PLEKHG3: variants seen among roughly 807,000 people sequenced by gnomAD.
PLEKHG3 encodes pleckstrin homology domain-containing family G member 3.
A neutral mutation model predicts 94.9 loss-of-function variants in PLEKHG3; 62 were observed. The observed-to-expected ratio is 0.65, with a 90% confidence interval of 0.53 to 0.81. The LOEUF is 0.81. PLEKHG3 is among the 30% of genes least tolerant of loss of function. The pLI is 0.00. For synonymous variants in PLEKHG3, 614 were observed against 654.0 expected (o/e 0.94, Z 0.93); for missense variants, 1,461 against 1,619.3 (o/e 0.90, Z 1.68).
chr14:64,727,991 C>T lies in PLEKHG3; in HGVS notation c.351+9C>T, dbSNP rs182360044. The T allele has an allele frequency of 4.3e-4, 653 of 1,516,310 alleles. 2 individuals carry two copies. The African/African-American group carries it at 7.8e-3, about 18-fold the overall frequency. 93.9% of individuals were successfully genotyped at this position (1,516,310 alleles called of 1,614,324 possible). A position where few individuals can be genotyped will look rare whatever the true frequency, so the allele number is the denominator to read the frequency against. ...TGCGCAGCATCGTGGAGGTGCGTGT[C>T]GGAGGCCTTGCGGCACAGTATTCTA... On this transcript the variant is annotated intron_variant, in intron 2 of 16. Coordinates refer to ENST00000247226, the MANE Select transcript of PLEKHG3 (RefSeq NM_001308147.2). This position sits in a 1 kb window ranked among gnomAD's most constrained non-coding sequence, Gnocchi z 6.0.
rs918193764 is a variant in PLEKHG3 at position 64,744,605 on chromosome 14, G to T, written c.*902G>T. The T allele has an allele frequency of 4.6e-5, 7 of 152,126 alleles. No homozygotes were observed. The highest frequency in any genetic ancestry group is 1.7e-4 in the African/African-American group (7 of 41,374). 9.4% of individuals were successfully genotyped at this position (152,126 alleles called of 1,614,324 possible). A position where few individuals can be genotyped will look rare whatever the true frequency, so the allele number is the denominator to read the frequency against. On this transcript the variant is annotated 3_prime_UTR_variant, in exon 17 of 17. Transcript: ENST00000247226. ...CCTGCTGTCCTGTCTAGGGTAGGGGGTCCCGCATGCCAGCCTTTTGCTCTT... is the reference window on the plus strand; with the variant it reads ...CCTGCTGTCCTGTCTAGGGTAGGGGTTCCCGCATGCCAGCCTTTTGCTCTT...
chr14:64,708,352 C>T (rs1250042761), intron 1 of PLEKHG3, among the ~76,000 whole-genome samples: 1 of 152,124 alleles, frequency 6.6e-6, no homozygotes, highest in Non-Finnish European at 1.5e-5. Flanking sequence ...GCTGTCCACC[C>T]CTCCCCCAGC....
rs1403809350 is a variant in PLEKHG3 at position 64,743,013 on chromosome 14, C to T, written c.2970C>T (p.Asp990=). The change falls in exon 17 of 17, where the codon GAC becomes GAT. Residue 990 remains aspartate, a synonymous_variant. Coordinates refer to ENST00000247226, the MANE Select transcript of PLEKHG3 (RefSeq NM_001308147.2). The surrounding 1 kb of genome is among the most constrained non-coding windows in gnomAD (Gnocchi z 7.2). ...GGAAGCCGGTGCTGTCTCTATTTGA[C>T]TATGAGCAGCTGATGGCCCAGGAGC... The part of the protein sequence containing the change: ...GKRKPVLSLF[D]YEQLMAQEHS... 1.2e-6 allele frequency: 2 copies of T among 1,613,010 alleles called. No homozygotes were observed. Among genetic ancestry groups the T allele is most frequent in the Non-Finnish European group, 1.7e-6 (2 of 1,179,686 alleles).
chr14:64,727,524 C>G lies in PLEKHG3; in HGVS notation c.-39-69C>G. ...CCACCCCACCTGCCCCCACCCCTGG[C>G]AACCGTCCCTCTGTTCTGTTTCTGT... On this transcript the variant is annotated intron_variant, in intron 1 of 16. Coordinates refer to ENST00000247226, the MANE Select transcript of PLEKHG3 (RefSeq NM_001308147.2). This position sits in a 1 kb window ranked among gnomAD's most constrained non-coding sequence, Gnocchi z 6.0. The G allele has an allele frequency of 1.1e-5, 5 of 439,648 alleles. No individual in the cohort carries two copies. The highest frequency in any genetic ancestry group is 2.2e-5 in the Non-Finnish European group (5 of 231,926). 27.2% of individuals were successfully genotyped at this position (439,648 alleles called of 1,614,324 possible).
intron 14 of PLEKHG3, 57 bp downstream of exon 14, chr14:64,737,432 T>C: frequency 7.8e-7 from 1 of 1,282,942 alleles, no homozygotes; most frequent in Non-Finnish European, 1.1e-6. Context: ...ACTGCCCAGG[T>C]CAGCCCCCGG....
chr14:64,714,193 A>G (rs1340261134), intron 1 of PLEKHG3, among the ~76,000 whole-genome samples: 1 of 152,204 alleles, frequency 6.6e-6, no homozygotes, highest in Non-Finnish European at 1.5e-5. Context: ...CAGTGGTTAC[A>G]GAGGATGGGA....
intron 1 of PLEKHG3, among the ~76,000 whole-genome samples, chr14:64,714,289 G>A (rs759816645): frequency 1.3e-5 from 2 of 152,188 alleles, no homozygotes; most frequent in African/African-American, 2.4e-5. Context: ...GATGGCTATG[G>A]TGGGGTAGAG....
rs1369831104 is a variant in PLEKHG3, at chr14:64,716,030, T to C, written c.-40+11326T>C. On this transcript the variant is annotated intron_variant, in intron 1 of 16. Transcript: ENST00000247226. This position sits in a 1 kb window ranked among gnomAD's most constrained non-coding sequence, Gnocchi z 5.0. ...GCTAGGTTGCCGGTGCTGGGGACAATGCGGCTGCCCGGCCCCTCGCCACCC... is the reference window on the plus strand; with the variant it reads ...GCTAGGTTGCCGGTGCTGGGGACAACGCGGCTGCCCGGCCCCTCGCCACCC... 2.2e-6 allele frequency: 1 copy of C among 456,050 alleles called. No individual in the cohort carries two copies. The highest frequency in any genetic ancestry group is 4.4e-6 in the Non-Finnish European group (1 of 226,756). The allele number at this position is 456,050 out of a possible 1,614,324, so 28.3% of individuals were successfully genotyped here. A position where few individuals can be genotyped will look rare whatever the true frequency, so the allele number is the denominator to read the frequency against.
chr14:64,749,715 T>A lies in PLEKHG3; in HGVS notation c.*6012T>A. 2 of 1,613,118 alleles carry A rather than the reference T, an allele frequency of 1.2e-6. No homozygotes were observed. Reference sequence around the variant, plus strand: ...ACTCAGCCTAGGAGGACAAAGGGTTTCCTGTCATGGAGACACCTCTGGAGG... The same window carrying A: ...ACTCAGCCTAGGAGGACAAAGGGTTACCTGTCATGGAGACACCTCTGGAGG... On this transcript the variant is annotated 3_prime_UTR_variant, in exon 17 of 17. Coordinates refer to ENST00000247226, the MANE Select transcript of PLEKHG3 (RefSeq NM_001308147.2). This position sits in a 1 kb window ranked among gnomAD's most constrained non-coding sequence, Gnocchi z 4.7.
chr14:64,729,327 C>T (rs888923439), intron 3 of PLEKHG3, among the ~76,000 whole-genome samples: 3 of 152,296 alleles, frequency 2.0e-5, no homozygotes, highest in East Asian at 1.9e-4. Flanking sequence ...CATCCTGAGC[C>T]GGTGCCCCCT....
rs1476775967 is a variant in PLEKHG3, at chr14:64,732,610, T to C, written c.1246+150T>C. ...AAGGGCTGGGGGGTGAACTACATGA[T>C]TAAGGATGCTCTCCTGCTGAGCGGT... On this transcript the variant is annotated intron_variant, in intron 11 of 16. Transcript: ENST00000247226. This position sits in a 1 kb window ranked among gnomAD's most constrained non-coding sequence, Gnocchi z 4.9. 8.7e-6 allele frequency: 7 copies of C among 801,674 alleles called. No homozygotes were observed. Among genetic ancestry groups the C allele is most frequent in the Admixed American group, 3.9e-5 (2 of 51,828 alleles). 49.7% of individuals were successfully genotyped at this position (801,674 alleles called of 1,614,324 possible).
In PLEKHG3 at chr14:64,750,084, C is replaced by T. The variant is rs139355550; in HGVS notation, c.*6381C>T. 32 of 1,614,048 alleles carry T rather than the reference C, an allele frequency of 2.0e-5. No homozygotes were observed. The African/African-American group carries it at 2.9e-4, about 15-fold the overall frequency. ...TCCCCATGGTAGGGCATCCCCAGGG[C>T]CAGGTTCTTGGCATCCTTGTAGAAG... On this transcript the variant is annotated 3_prime_UTR_variant, in exon 17 of 17. Coordinates refer to ENST00000247226, the MANE Select transcript of PLEKHG3 (RefSeq NM_001308147.2).
rs752246457 is a variant in PLEKHG3, at chr14:64,732,382, G to A, written c.1213-45G>A. 1.5e-5 allele frequency: 23 copies of A among 1,579,460 alleles called. No individual in the cohort carries two copies. The highest frequency in any genetic ancestry group is 3.3e-5 in the Admixed American group (2 of 59,942). The stretch of plus-strand genomic sequence containing the variant: ...GTGGGTCCTATGGGCAGGGAAGGCC[G>A]GCACATGGTAAGGTAATAACCAGGT... On this transcript the variant is annotated intron_variant, in intron 10 of 16. Coordinates refer to ENST00000247226, the MANE Select transcript of PLEKHG3 (RefSeq NM_001308147.2). This position sits in a 1 kb window ranked among gnomAD's most constrained non-coding sequence, Gnocchi z 4.9.
chr14:64,729,991 G>A (rs2081428655), intron 3 of PLEKHG3, among the ~76,000 whole-genome samples: 1 of 152,190 alleles, frequency 6.6e-6, no homozygotes, highest in South Asian at 2.1e-4. Flanking sequence ...GGTGGGTATG[G>A]GGGTCCCCTC....
Position 64,723,116 on chromosome 14 carries a change from A to G in PLEKHG3, c.-39-4477A>G, listed in dbSNP as rs1447947231. Among the ~76,000 whole-genome samples, 1 of 152,148 alleles carries G rather than the reference A, an allele frequency of 6.6e-6. No individual in the cohort carries two copies. ...TAGCCTGCCTGCCTCTGCACCTGCAATATTCAGGGAAGCTCCTCCAGAGGG... is the reference window on the plus strand; with the variant it reads ...TAGCCTGCCTGCCTCTGCACCTGCAGTATTCAGGGAAGCTCCTCCAGAGGG... On this transcript the variant is annotated intron_variant, in intron 1 of 16. Transcript: ENST00000247226. The surrounding 1 kb of genome is among the most constrained non-coding windows in gnomAD (Gnocchi z 4.5).
rs1003771253 is a variant in PLEKHG3, at chr14:64,717,875, G to T, written c.-39-9718G>T. ...ACATTCTGACACCTCGTCTCATGGA[G>T]CCCCATTTCCACGTGTCTTGGTAGT... is the stretch of plus-strand genomic sequence containing the variant. On this transcript the variant is annotated intron_variant, in intron 1 of 16. Coordinates refer to ENST00000247226, the MANE Select transcript of PLEKHG3 (RefSeq NM_001308147.2). The surrounding 1 kb of genome is among the most constrained non-coding windows in gnomAD (Gnocchi z 4.7). Among the ~76,000 whole-genome samples, 57 of 152,200 alleles carry T rather than the reference G, an allele frequency of 3.7e-4. No individual in the cohort carries two copies. The highest frequency in any genetic ancestry group is 1.0e-4 in the Non-Finnish European group (7 of 68,048).
rs2081182828 is a variant in PLEKHG3 at position 64,717,214 on chromosome 14, A to G, written c.-39-10379A>G. On this transcript the variant is annotated intron_variant, in intron 1 of 16. Transcript: ENST00000247226. The surrounding 1 kb of genome is among the most constrained non-coding windows in gnomAD (Gnocchi z 4.7). The stretch of plus-strand genomic sequence containing the variant: ...TTCTCTGGGTCAGGCACCAAGCCCA[A>G]GGTCAGAGCCCAGGGCAAAGAAAGG... Among the ~76,000 whole-genome samples, 1 of 152,020 alleles carries G rather than the reference A, an allele frequency of 6.6e-6. No individual in the cohort carries two copies. The highest frequency in any genetic ancestry group is 2.1e-4 in the South Asian group (1 of 4,818).
chr14:64,709,765 G>A (rs1239452528), intron 1 of PLEKHG3, among the ~76,000 whole-genome samples: 1 of 147,532 alleles, frequency 6.8e-6, no homozygotes, highest in East Asian at 2.0e-4. Flanking sequence ...GTGTGTGTGT[G>A]TAGTATTAGA....
rs1273365411 is a variant in PLEKHG3 at position 64,722,548 on chromosome 14, G to A, written c.-39-5045G>A. Among the ~76,000 whole-genome samples the A allele has an allele frequency of 3.9e-5, 6 of 152,182 alleles. No homozygotes were observed. Among genetic ancestry groups the A allele is most frequent in the African/African-American group, 7.2e-5 (3 of 41,446 alleles). ...AGGACTTTCCCTGTGTGCAGGTGCC[G>A]TGTGGATTCCTCCCCAGCTGGGGCC... On this transcript the variant is annotated intron_variant, in intron 1 of 16. Coordinates refer to ENST00000247226, the MANE Select transcript of PLEKHG3 (RefSeq NM_001308147.2). This position sits in a 1 kb window ranked among gnomAD's most constrained non-coding sequence, Gnocchi z 4.3.
Sources: gnomAD v4.1 joint callset for allele counts (sites outside exome capture counted in the v4.1 genomes callset) on GRCh38, gnomAD v4.1.1 for gene constraint, Gnocchi (gnomAD v3.1) non-coding constraint, MANE v1.5 for transcripts, NCBI Gene and HGNC (gene_info 2026-07-23, HGNC 2026-07-21) for gene names.